POPDC2: variants seen among roughly 807,000 people sequenced by gnomAD.
POPDC2 encodes popeye domain-containing protein 2.
In POPDC2, 24 loss-of-function variants were observed where a neutral mutation model predicts 30.5. The observed-to-expected ratio is 0.79, with a 90% confidence interval of 0.57 to 1.11. The LOEUF is 1.11. Ranked by LOEUF, POPDC2 falls within the 50% of genes least tolerant of loss-of-function variation. POPDC2 has a pLI of 0.00. For synonymous variants in POPDC2, 185 were observed against 183.3 expected (o/e 1.01, Z -0.07); for missense variants, 409 against 447.0 (o/e 0.91, Z 0.77).
chr3:119,649,113 G>A (rs2052782200), intron 2 of POPDC2, among the ~76,000 whole-genome samples: 1 of 152,134 alleles, frequency 6.6e-6, no homozygotes, highest in Non-Finnish European at 1.5e-5. Flanking sequence ...ATTGGGGTAG[G>A]GACATAAAAA....
chr3:119,642,682 C>A, intron 3 of POPDC2, 121 bp from the exon 4 acceptor site: 1 of 622,118 alleles, frequency 1.6e-6, no homozygotes, highest in Non-Finnish European at 2.8e-6. Flanking sequence ...TAACTGTACT[C>A]ACTGCCTGAC....
chr3:119,656,282 T>C (rs541479), intron 1 of POPDC2, among the ~76,000 whole-genome samples: 140,739 of 152,200 alleles, frequency 0.92, 66,085 homozygotes, highest in East Asian at 1. Context: ...ATCCTTGTAT[T>C]TTTTTAAATA....
Position 119,660,000 on chromosome 3 carries a change from T to C in POPDC2, c.424A>G (p.Thr142Ala), listed in dbSNP as rs759439411. The C allele has an allele frequency of 1.2e-6, 2 of 1,614,068 alleles. No individual in the cohort carries two copies. Among genetic ancestry groups the C allele is most frequent in the Non-Finnish European group, 1.7e-6 (2 of 1,179,932 alleles). The change falls in exon 1 of 4, where the codon ACT (threonine) becomes GCT (alanine). Residue 142 changes from threonine (T) to alanine (A), a missense_variant. Transcript: ENST00000493094. ...CCCTCCACAGCATAGGTCTGTTCAGTGGCCAGAGTTAAGACCTGCTCCTCG... is the reference window on the plus strand; with the variant it reads ...CCCTCCACAGCATAGGTCTGTTCAGCGGCCAGAGTTAAGACCTGCTCCTCG... The part of the protein sequence containing the change: ...CCEEQVLTLA[T>A]EQTYAVEGET...
Position 119,659,979 on chromosome 3 carries a change from C to T in POPDC2, c.445G>A (p.Glu149Lys), listed in dbSNP as rs2052922764. Reference protein sequence around the residue: ...TLATEQTYAVEGETPINRLSL... With the variant: ...TLATEQTYAVKGETPINRLSL... ...AGGCGGTTGATGGGTGTCTCACCCTCCACAGCATAGGTCTGTTCAGTGGCC... is the reference window on the plus strand; with the variant it reads ...AGGCGGTTGATGGGTGTCTCACCCTTCACAGCATAGGTCTGTTCAGTGGCC... Residue 149 changes from glutamate (E) to lysine (K), a missense_variant, in exon 1 of 4, where the codon GAG becomes AAG. Physicochemically the swap from Glu to Lys is moderately conservative, Grantham distance 56. Transcript: ENST00000493094. 1 of 1,608,624 alleles carries T rather than the reference C, an allele frequency of 6.2e-7. No homozygotes were observed. The highest frequency in any genetic ancestry group is 1.1e-5 in the South Asian group (1 of 90,892).
intron 3 of POPDC2, among the ~76,000 whole-genome samples, chr3:119,645,955 T>A (rs909165364): frequency 6.6e-6 from 1 of 152,188 alleles, no homozygotes. Flanking sequence ...AAAAGTCACA[T>A]ATTTGATTAG....
chr3:119,642,382 C>T lies in POPDC2; in HGVS notation c.*223G>A. 1 of 877,256 alleles carries T rather than the reference C, an allele frequency of 1.1e-6. No homozygotes were observed. The highest frequency in any genetic ancestry group is 1.9e-6 in the Non-Finnish European group (1 of 529,634). 54.3% of individuals were successfully genotyped at this position (877,256 alleles called of 1,614,324 possible). A position where few individuals can be genotyped will look rare whatever the true frequency, so the allele number is the denominator to read the frequency against. On this transcript the variant is annotated 3_prime_UTR_variant, in exon 4 of 4. Coordinates refer to ENST00000493094, the MANE Select transcript of POPDC2 (RefSeq NM_001369919.2). Reference sequence around the variant, plus strand: ...CTCTCTCACCTTGCCTGTGAGCCTTCCAGTGGGTGGGAAAAGAGGCATGCC... The same window carrying T: ...CTCTCTCACCTTGCCTGTGAGCCTTTCAGTGGGTGGGAAAAGAGGCATGCC...
At chr3:119,656,510 C>A (rs1480267221) in intron 1 of POPDC2, among the ~76,000 whole-genome samples, 7 of 152,242 alleles carry the variant, frequency 4.6e-5, no homozygotes. Flanking sequence ...TGTGGCTGTA[C>A]CTAGCCTAGT....
chr3:119,656,816 G>T (rs1321130444), intron 1 of POPDC2, among the ~76,000 whole-genome samples: 1 of 152,168 alleles, frequency 6.6e-6, no homozygotes, highest in East Asian at 1.9e-4. Context: ...TGTTCATTTG[G>T]GGGAGATATC....
At chr3:119,654,206 C>T (rs2052850654) in intron 2 of POPDC2, among the ~76,000 whole-genome samples, 1 of 152,144 alleles carries the variant, frequency 6.6e-6, no homozygotes, top group Admixed American at 6.5e-5. Context: ...CTAGAGAGCA[C>T]TAAAAGGTTT....
rs560632393 is a variant in POPDC2 at position 119,659,896 on chromosome 3, G to C, written c.491+37C>G. 8 of 1,537,636 alleles carry C rather than the reference G, an allele frequency of 5.2e-6. No homozygotes were observed. In the South Asian group the frequency reaches 1.0e-4, roughly 19 times the overall value. On this transcript the variant is annotated intron_variant, in intron 1 of 3. Coordinates refer to ENST00000493094, the MANE Select transcript of POPDC2 (RefSeq NM_001369919.2). ...ACTAGGAAATGAGAAGTGTGGGCTG[G>C]GGAAAGAAATTCTGGGCAATGGATA...
chr3:119,644,837 T>TCA (rs10623668), intron 3 of POPDC2, among the ~76,000 whole-genome samples: 37,418 of 152,060 alleles, frequency 0.25, 4,797 homozygotes, highest in Admixed American at 0.31. Flanking sequence ...TTGCTCCCAA[T>TCA]TAAGGGAATA....
intron 3 of POPDC2, among the ~76,000 whole-genome samples, chr3:119,646,295 A>C (rs894802148): frequency 6.6e-6 from 1 of 152,164 alleles, no homozygotes; most frequent in Non-Finnish European, 1.5e-5. Flanking sequence ...ACAAGTGAAG[A>C]GGGAGAAATG....
chr3:119,647,073 C>G (rs2052754052), intron 3 of POPDC2, among the ~76,000 whole-genome samples: 1 of 152,162 alleles, frequency 6.6e-6, no homozygotes, highest in South Asian at 2.1e-4. Flanking sequence ...AATCTCTAAC[C>G]TTTCATCAGT....
At chr3:119,654,693 G>A in intron 1 of POPDC2, 80 bp from the exon 2 acceptor site, 2 of 972,620 alleles carry the variant, frequency 2.1e-6, no homozygotes, top group South Asian at 1.4e-5. Context: ...AGGTGTCGCT[G>A]ATTAACATGA....
chr3:119,653,163 T>G (rs1298856241), intron 2 of POPDC2, among the ~76,000 whole-genome samples: 1 of 152,226 alleles, frequency 6.6e-6, no homozygotes. Context: ...TTTGTCACTT[T>G]CTAGCTGAAG....
intron 2 of POPDC2, among the ~76,000 whole-genome samples, chr3:119,651,022 A>C (rs1428312769): frequency 6.6e-6 from 1 of 152,160 alleles, no homozygotes; most frequent in Non-Finnish European, 1.5e-5. Context: ...TACTATATCC[A>C]ACCCTTTAGA....
At position 119,645,566 on chromosome 3, in the gene POPDC2, CA is replaced by C. The variant is rs201320482; in HGVS notation, c.*43+2552del. ...TGACAAAGCGAGACTCCGTCTCAAACAAAAAAAAAAAAAAAAAGAAAGAAAA... is the reference window on the plus strand; with the variant it reads ...TGACAAAGCGAGACTCCGTCTCAAACAAAAAAAAAAAAAAAAGAAAGAAAA... On this transcript the variant is annotated intron_variant, in intron 3 of 3. Coordinates refer to ENST00000493094, the MANE Select transcript of POPDC2 (RefSeq NM_001369919.2). Among the ~76,000 whole-genome samples, 357 of 115,396 alleles carry C rather than the reference CA, an allele frequency of 3.1e-3. 1 individual carries two copies. The highest frequency in any genetic ancestry group is 0.022 in the East Asian group (76 of 3,498). 75.7% of individuals were successfully genotyped at this position (115,396 alleles called of 152,430 possible). A position where few individuals can be genotyped will look rare whatever the true frequency, so the allele number is the denominator to read the frequency against.
chr3:119,649,128 T>G (rs1291575764), intron 2 of POPDC2, among the ~76,000 whole-genome samples: 1 of 152,092 alleles, frequency 6.6e-6, no homozygotes, highest in Non-Finnish European at 1.5e-5. Context: ...TAAAAAGAGT[T>G]GGAAAGTTGA....
intron 1 of POPDC2, among the ~76,000 whole-genome samples, chr3:119,656,278 G>A (rs1415629826): frequency 6.6e-6 from 1 of 152,048 alleles, no homozygotes; most frequent in Non-Finnish European, 1.5e-5. Context: ...AGAAATCCTT[G>A]TATTTTTTTA....
Sources: allele counts gnomAD v4.1 joint callset (sites outside exome capture counted in the v4.1 genomes callset), GRCh38; gene constraint gnomAD v4.1.1; transcripts MANE v1.5; gene names NCBI Gene and HGNC (gene_info 2026-07-23, HGNC 2026-07-21).